The following TMEM178B variants were observed in gnomAD, a reference collection of about 807,000 sequenced individuals.
TMEM178B encodes the protein transmembrane protein 178B.
Under a neutral mutation model 31.0 loss-of-function variants are expected in TMEM178B, and 5 were observed. The observed-to-expected ratio is 0.16, with a 90% CI of 0.08 to 0.34. TMEM178B has a LOEUF of 0.34. Ranked by LOEUF, TMEM178B falls within the 10% of genes least tolerant of loss-of-function variation. The pLI is 1.00. For missense variants in TMEM178B, 275 were observed against 400.3 expected, an observed-to-expected ratio of 0.69 and a Z score of 2.67; for synonymous variants, 164 against 164.0, an observed-to-expected ratio of 1.00 and a Z score of 0.00.
At chr7:141,134,321 T>C (rs1447149817) in intron 1 of TMEM178B, among the ~76,000 whole-genome samples, 1 of 152,030 alleles carries the variant, frequency 6.6e-6, no homozygotes, top group Non-Finnish European at 1.5e-5. Context: ...AGAAAAGCCA[T>C]CAGCTAAGAA....
chr7:141,128,967 A>G (rs1352421508), intron 1 of TMEM178B, among the ~76,000 whole-genome samples: 1 of 152,230 alleles, frequency 6.6e-6, no homozygotes, highest in Non-Finnish European at 1.5e-5. Context: ...ATGGATTACC[A>G]TGCATGATGT....
chr7:141,431,792 A>G (rs2116670663), intron 2 of TMEM178B, among the ~76,000 whole-genome samples: 1 of 152,278 alleles, frequency 6.6e-6, no homozygotes, highest in Middle Eastern at 3.4e-3. Flanking sequence ...AAGAAATACA[A>G]GCTATATATA....
At chr7:141,488,057 G>C in the TMEM178B span, among the ~76,000 whole-genome samples, 2 of 151,030 alleles carry the variant, frequency 1.3e-5, no homozygotes, top group South Asian at 4.2e-4. Context: ...TCATATACTA[G>C]AACAGTGAAG....
At chr7:141,180,029 A>C (rs905514284) in intron 1 of TMEM178B, among the ~76,000 whole-genome samples, 1 of 152,138 alleles carries the variant, frequency 6.6e-6, no homozygotes, top group African/African-American at 2.4e-5. Context: ...GAGGAAAGCA[A>C]TTTAATTAAA....
intron 1 of TMEM178B, among the ~76,000 whole-genome samples, chr7:141,097,286 G>A (rs914748743): frequency 2.0e-5 from 3 of 149,826 alleles, no homozygotes; most frequent in Non-Finnish European, 3.0e-5. Flanking sequence ...GGAGAATGGC[G>A]TGAACCCGGG....
At chr7:141,135,888 C>A (rs1049744521) in intron 1 of TMEM178B, among the ~76,000 whole-genome samples, 26 of 151,290 alleles carry the variant, frequency 1.7e-4, no homozygotes, top group Admixed American at 1.3e-4. Context: ...GAAATAGAGA[C>A]TAAAAAAATA....
intron 1 of TMEM178B, among the ~76,000 whole-genome samples, chr7:141,182,302 A>G (rs1186335440): frequency 6.6e-6 from 1 of 152,188 alleles, no homozygotes; most frequent in East Asian, 1.9e-4. Flanking sequence ...GACTCTTCCT[A>G]CTGGGTCCAA....
intron 2 of TMEM178B, among the ~76,000 whole-genome samples, chr7:141,249,192 A>C (rs1797789025): frequency 6.6e-6 from 1 of 152,158 alleles, no homozygotes; most frequent in Middle Eastern, 3.2e-3. Context: ...GAGATCGTTG[A>C]ATCATGGAGG....
intron 2 of TMEM178B, among the ~76,000 whole-genome samples, chr7:141,317,353 G>C (rs1333462422): frequency 6.6e-6 from 1 of 152,178 alleles, no homozygotes; most frequent in Non-Finnish European, 1.5e-5. Flanking sequence ...AGCGAAGAAA[G>C]GCCCTTTTTG....
intron 2 of TMEM178B, among the ~76,000 whole-genome samples, chr7:141,336,945 TCAC>T (rs1799410149): frequency 1.8e-4 from 8 of 43,620 alleles, no homozygotes; most frequent in African/African-American, 3.9e-4. Context: ...ACCACCACCA[TCAC>T]CACCACCACC....
intron 3 of TMEM178B, among the ~76,000 whole-genome samples, chr7:141,452,623 C>G (rs1801886420): frequency 6.6e-6 from 1 of 152,190 alleles, no homozygotes; most frequent in African/African-American, 2.4e-5. Context: ...GTGGAAATCT[C>G]TGTCCCACCA....
chr7:141,096,352 C>T (rs1416241901), intron 1 of TMEM178B, among the ~76,000 whole-genome samples: 3 of 152,160 alleles, frequency 2.0e-5, no homozygotes, highest in Admixed American at 6.5e-5. Flanking sequence ...TATTCCACTT[C>T]CATGTCTGTC....
intron 2 of TMEM178B, among the ~76,000 whole-genome samples, chr7:141,297,453 C>T (rs1192567230): frequency 6.6e-6 from 1 of 152,096 alleles, no homozygotes; most frequent in Non-Finnish European, 1.5e-5. Flanking sequence ...GTGTGCTGCA[C>T]CCATTAACTC....
At chr7:141,092,699 A>C (rs1794899856) in intron 1 of TMEM178B, among the ~76,000 whole-genome samples, 1 of 152,244 alleles carries the variant, frequency 6.6e-6, no homozygotes, top group African/African-American at 2.4e-5. Flanking sequence ...TAATCAGATA[A>C]ATAAGTAAAA....
intron 3 of TMEM178B, among the ~76,000 whole-genome samples, chr7:141,444,322 C>G (rs1237483432): frequency 6.6e-6 from 1 of 152,122 alleles, no homozygotes; most frequent in South Asian, 2.1e-4. Flanking sequence ...AATGTCTGTG[C>G]TCTTAATAAA....
chr7:141,169,230 G>T (rs887273077), intron 1 of TMEM178B, among the ~76,000 whole-genome samples: 6 of 152,248 alleles, frequency 3.9e-5, no homozygotes, highest in Non-Finnish European at 2.9e-5. Flanking sequence ...CCAGTGTGTT[G>T]TTCACCTCTA....
chr7:141,247,157 A>G (rs755746447), intron 2 of TMEM178B, among the ~76,000 whole-genome samples: 5 of 151,818 alleles, frequency 3.3e-5, no homozygotes, highest in Non-Finnish European at 7.4e-5. Flanking sequence ...GTGGAAATAG[A>G]TATTTATCTT....
chr7:141,365,649 C>T (rs1218011456), intron 2 of TMEM178B, among the ~76,000 whole-genome samples: 1 of 152,224 alleles, frequency 6.6e-6, no homozygotes, highest in African/African-American at 2.4e-5. Context: ...CCAATCTCTG[C>T]CTTTCTTCCA....
At chr7:141,144,936 A>T (rs529717063) in intron 1 of TMEM178B, among the ~76,000 whole-genome samples, 1 of 152,042 alleles carries the variant, frequency 6.6e-6, no homozygotes, top group East Asian at 1.9e-4. Context: ...GGTGGGGAGG[A>T]TGGTCATGTC....
Sources: allele counts gnomAD v4.1 joint callset (sites outside exome capture counted in the v4.1 genomes callset), GRCh38; gene constraint gnomAD v4.1.1; transcripts MANE v1.5; gene names NCBI Gene and HGNC (gene_info 2026-07-23, HGNC 2026-07-21).